CDH12: variants seen among roughly 807,000 people sequenced by gnomAD.
CDH12 encodes cadherin 12.
In CDH12, 41 loss-of-function variants were observed where a neutral mutation model predicts 74.1. The ratio of observed to expected loss-of-function variants is 0.55; its 90% confidence interval spans 0.43 to 0.72. The LOEUF (loss-of-function observed/expected upper bound fraction) is 0.72, where lower values mean the gene tolerates loss of function less well. CDH12 is among the 30% of genes least tolerant of loss of function. The pLI is 0.00. For missense variants in CDH12, 945 were observed against 977.2 expected (o/e 0.97, Z 0.44); for synonymous variants, 399 against 355.0 (o/e 1.12, Z -1.39).
chr5:22,841,007 G>C (rs1737058767), intron 1 of CDH12, among the ~76,000 whole-genome samples: 1 of 152,068 alleles, frequency 6.6e-6, no homozygotes, highest in Non-Finnish European at 1.5e-5. Flanking sequence ...AATAAAATGA[G>C]GCGGCACAGA....
intron 6 of CDH12, among the ~76,000 whole-genome samples, chr5:21,960,420 A>T (rs553835583): frequency 2.6e-5 from 4 of 152,254 alleles, no homozygotes; most frequent in Admixed American, 6.5e-5. Context: ...TTCTGAACTC[A>T]TCATTTAGAA....
chr5:22,376,683 A>ATT (rs34256665), intron 3 of CDH12, among the ~76,000 whole-genome samples: 37,317 of 116,878 alleles, frequency 0.32, 6,796 homozygotes, highest in Admixed American at 0.42. Context: ...TGGTTGACTA[A>ATT]TTTTTTTTTT....
intron 10 of CDH12, among the ~76,000 whole-genome samples, chr5:21,795,037 A>C (rs369350716): frequency 6.6e-5 from 10 of 151,706 alleles, no homozygotes; most frequent in African/African-American, 2.2e-4. Context: ...ATTCATTAAG[A>C]TAAAAGAGTT....
chr5:22,037,610 G>T (rs538185693), intron 5 of CDH12, among the ~76,000 whole-genome samples: 1 of 152,222 alleles, frequency 6.6e-6, no homozygotes, highest in South Asian at 2.1e-4. Flanking sequence ...TTAAACCACA[G>T]AATTTGTAGT....
At position 21,820,857 on chromosome 5, in the gene CDH12, C is replaced by T. The variant is rs1579766465; in HGVS notation, c.815-3725G>A. ...CCGCCACCGTCTTCCAGGCGTCCTA[C>T]TTTTGATGCATATGAAACATCTTAA... is the stretch of plus-strand genomic sequence containing the variant. On this transcript the variant is annotated intron_variant, in intron 8 of 14. Transcript: ENST00000382254. 2.6e-5 allele frequency among the ~76,000 whole-genome samples: 4 copies of T among 152,094 alleles called. No homozygotes were observed. In the South Asian group the frequency reaches 8.3e-4, roughly 32 times the overall value.
intron 9 of CDH12, among the ~76,000 whole-genome samples, chr5:21,810,948 A>C (rs1208159384): frequency 6.6e-6 from 1 of 152,126 alleles, no homozygotes; most frequent in Non-Finnish European, 1.5e-5. Flanking sequence ...AGCGTGAAAA[A>C]AGAAAAAGAG....
At chr5:21,896,022 TCTTCTA>T (rs1753108487) in intron 6 of CDH12, among the ~76,000 whole-genome samples, 1 of 152,186 alleles carries the variant, frequency 6.6e-6, no homozygotes, top group African/African-American at 2.4e-5. Context: ...CAGAGGTGTC[TCTTCTA>T]ATCTTAAATT....
At chr5:22,473,872 C>A (rs1459277422) in intron 2 of CDH12, among the ~76,000 whole-genome samples, 1 of 152,012 alleles carries the variant, frequency 6.6e-6, no homozygotes, top group African/African-American at 2.4e-5. Flanking sequence ...AACATTATCT[C>A]AAAAAGTTGG....
chr5:22,544,198 G>A (rs994092001), intron 1 of CDH12, among the ~76,000 whole-genome samples: 1 of 151,588 alleles, frequency 6.6e-6, no homozygotes, highest in Non-Finnish European at 1.5e-5. Flanking sequence ...AATAATCACA[G>A]TTGCCTTCCA....
intron 1 of CDH12, among the ~76,000 whole-genome samples, chr5:22,770,842 G>A (rs149857712): frequency 6.6e-5 from 10 of 151,954 alleles, no homozygotes; most frequent in African/African-American, 2.2e-4. Flanking sequence ...TCACATTTTA[G>A]CATTAAATAT....
At chr5:22,323,950 C>A (rs576706301) in intron 3 of CDH12, among the ~76,000 whole-genome samples, 20 of 152,036 alleles carry the variant, frequency 1.3e-4, no homozygotes, top group Non-Finnish European at 2.9e-4. Flanking sequence ...AGTCTTGAGG[C>A]CCATCAAAAT....
rs562603341 is a variant in CDH12 at position 22,450,291 on chromosome 5, A to G, written c.-427-44940T>C. Among the ~76,000 whole-genome samples, 9 of 152,038 alleles carry G rather than the reference A, an allele frequency of 5.9e-5. No homozygotes were observed. The East Asian group carries it at 1.5e-3, about 26-fold the overall frequency. On this transcript the variant is annotated intron_variant, in intron 2 of 14. Coordinates refer to ENST00000382254, the MANE Select transcript of CDH12 (RefSeq NM_004061.5). ...TTGCCATACATCAAGTATTTGATTT[A>G]TATTTTATATCCCCACGTCAATAAA...
intron 2 of CDH12, among the ~76,000 whole-genome samples, chr5:22,502,657 CACAG>C (rs141385768): frequency 0.14 from 20,231 of 148,844 alleles, 2,111 homozygotes; most frequent in East Asian, 0.37. Context: ...CACACGCACA[CACAG>C]ACACACACAC....
At chr5:21,921,650 T>C (rs1354653594) in intron 6 of CDH12, among the ~76,000 whole-genome samples, 1 of 152,216 alleles carries the variant, frequency 6.6e-6, no homozygotes, top group Non-Finnish European at 1.5e-5. Flanking sequence ...AAGACAATCC[T>C]TTCTGTTCTC....
At chr5:22,232,832 T>A (rs1752428872) in intron 3 of CDH12, among the ~76,000 whole-genome samples, 1 of 148,516 alleles carries the variant, frequency 6.7e-6, no homozygotes, top group Non-Finnish European at 1.5e-5. Context: ...TGCTAAAGTT[T>A]TCTCCTGTTC....
In CDH12 at chr5:22,718,823, A is replaced by T. The variant is rs570206077; in HGVS notation, c.-523+134235T>A. Among the ~76,000 whole-genome samples, 3 of 152,346 alleles carry T rather than the reference A, an allele frequency of 2.0e-5. No homozygotes were observed. In the South Asian group the frequency reaches 6.2e-4, roughly 32 times the overall value. On this transcript the variant is annotated intron_variant, in intron 1 of 14. Transcript: ENST00000382254. ...AGGGGGCATTCCTCTGTGTATTGCC[A>T]TGCATTGTGGCCAAAAGATGCTAAA... is the stretch of plus-strand genomic sequence containing the variant.
At chr5:22,832,894 C>G (rs1736680163) in intron 1 of CDH12, among the ~76,000 whole-genome samples, 1 of 152,112 alleles carries the variant, frequency 6.6e-6, no homozygotes, top group African/African-American at 2.4e-5. Flanking sequence ...CCTTTCACAC[C>G]TGATATGCAT....
rs1749246558 is a variant in CDH12 at position 21,833,207 on chromosome 5, A to ATAATATATATTATATGTTATATAACATT, written c.814+8953_814+8954insAATGTTATATAACATATAATATATATTA. On this transcript the variant is annotated intron_variant, in intron 8 of 14. Coordinates refer to ENST00000382254, the MANE Select transcript of CDH12 (RefSeq NM_004061.5). ...TTATATAACATATAATATATATATT[A>ATAATATATATTATATGTTATATAACATT]TAATATATATTATATGTTATATAAC... Among the ~76,000 whole-genome samples, 6 of 44,264 alleles carry ATAATATATATTATATGTTATATAACATT rather than the reference A, an allele frequency of 1.4e-4. 1 individual carries two copies. Among genetic ancestry groups the ATAATATATATTATATGTTATATAACATT allele is most frequent in the Middle Eastern group, 0.025 (1 of 40 alleles). The allele number at this position is 44,264 out of a possible 152,430, so 29.0% of individuals were successfully genotyped here. A position where few individuals can be genotyped will look rare whatever the true frequency, so the allele number is the denominator to read the frequency against.
At chr5:22,442,649 T>C (rs1744673039) in intron 2 of CDH12, among the ~76,000 whole-genome samples, 2 of 152,124 alleles carry the variant, frequency 1.3e-5, no homozygotes, top group Non-Finnish European at 1.5e-5. Flanking sequence ...CTAATGCTCA[T>C]GCATGATCAG....
Sources: allele counts gnomAD v4.1 joint callset (sites outside exome capture counted in the v4.1 genomes callset), GRCh38; gene constraint gnomAD v4.1.1; transcripts MANE v1.5; gene names NCBI Gene and HGNC (gene_info 2026-07-23, HGNC 2026-07-21).